The following RNFT2 variants were observed in gnomAD, a reference collection of about 807,000 sequenced individuals.
RNFT2 encodes E3 ubiquitin-protein ligase RNFT2.
RNFT2 carries 36 observed loss-of-function variants against 53.0 expected under a neutral mutation model. The ratio of observed to expected loss-of-function variants is 0.68; its 90% CI spans 0.52 to 0.90. The LOEUF is 0.90. Among genes scored for constraint, RNFT2 ranks in the 40% least tolerant of loss-of-function variants. The probability of loss-of-function intolerance (pLI) is 0.00; values close to 1 mark genes in which losing one functional copy is unlikely to be tolerated. For synonymous variants in RNFT2, 260 were observed against 253.2 expected (o/e 1.03, Z -0.26); for missense variants, 514 against 585.6 (o/e 0.88, Z 1.26).
At chr12:116,756,756 C>G (rs138352922) in intron 5 of RNFT2, among the ~76,000 whole-genome samples, 2 of 152,210 alleles carry the variant, frequency 1.3e-5, no homozygotes, top group East Asian at 3.9e-4. Context: ...ATTTTAGCAT[C>G]TATGTTCATC....
intron 5 of RNFT2, among the ~76,000 whole-genome samples, chr12:116,764,430 C>T (rs1404938496): frequency 2.0e-5 from 3 of 152,168 alleles, no homozygotes; most frequent in South Asian, 2.1e-4. Context: ...CCTTCTATAG[C>T]ATCGTCTGCT....
intron 7 of RNFT2, among the ~76,000 whole-genome samples, chr12:116,828,426 C>T (rs1196565222): frequency 6.6e-6 from 1 of 152,182 alleles, no homozygotes; most frequent in Non-Finnish European, 1.5e-5. Flanking sequence ...CTTTGTTGAT[C>T]AGTTTCCCCT....
chr12:116,775,275 AAAAAG>A (rs1022499831), intron 6 of RNFT2, among the ~76,000 whole-genome samples: 2 of 147,638 alleles, frequency 1.4e-5, no homozygotes, highest in African/African-American at 5.1e-5. Context: ...AAAAAAAAAA[AAAAAG>A]AGAGAGAGAA....
At chr12:116,830,798 A>G (rs1325924456) in intron 7 of RNFT2, among the ~76,000 whole-genome samples, 3 of 151,778 alleles carry the variant, frequency 2.0e-5, no homozygotes, top group Admixed American at 2.0e-4. Context: ...CAGTTACTTG[A>G]GAGCCTGAGA....
In RNFT2 at chr12:116,836,762, T is replaced by TA. The variant is rs879289594; in HGVS notation, c.1200+490dup. ...CAACATGGTGAAACCCTGTCTCTAC[T>TA]AAAAAAAAAATACAAAAATTAGCCA... On this transcript the variant is annotated intron_variant, in intron 10 of 10. Transcript: ENST00000257575. Among the ~76,000 whole-genome samples the TA allele has an allele frequency of 2.1e-3, 313 of 147,992 alleles. 2 individuals carry two copies. The highest frequency in any genetic ancestry group is 0.014 in the Middle Eastern group (4 of 290).
chr12:116,762,972 C>G (rs1244443292), intron 5 of RNFT2, among the ~76,000 whole-genome samples: 1 of 152,064 alleles, frequency 6.6e-6, no homozygotes, highest in Non-Finnish European at 1.5e-5. Flanking sequence ...ATCCTAGCTA[C>G]TCAGGAGGCT....
chr12:116,824,486 A>C (rs1876220989), intron 7 of RNFT2, among the ~76,000 whole-genome samples: 1 of 152,186 alleles, frequency 6.6e-6, no homozygotes, highest in Non-Finnish European at 1.5e-5. Flanking sequence ...CGAGCCTGGG[A>C]GTATGACACC....
chr12:116,747,525 C>T (rs1871955341), intron 3 of RNFT2, among the ~76,000 whole-genome samples: 1 of 151,994 alleles, frequency 6.6e-6, no homozygotes, highest in South Asian at 2.1e-4. Flanking sequence ...AGACCCCCGT[C>T]TCACTCTGTG....
chr12:116,812,140 T>G (rs1366083756), intron 7 of RNFT2, among the ~76,000 whole-genome samples: 1 of 152,080 alleles, frequency 6.6e-6, no homozygotes, highest in African/African-American at 2.4e-5. Context: ...TGACCCTGAC[T>G]TCAAGGGGCT....
chr12:116,743,258 A>C (rs1871729062), intron 3 of RNFT2, among the ~76,000 whole-genome samples: 2 of 134,996 alleles, frequency 1.5e-5, no homozygotes, highest in African/African-American at 2.8e-5. Flanking sequence ...GTTAAAAAAC[A>C]CTCATGAGCT....
At chr12:116,800,863 A>AAAAAT (rs34964792) in intron 7 of RNFT2, among the ~76,000 whole-genome samples, 9 of 42,642 alleles carry the variant, frequency 2.1e-4, no homozygotes, top group African/African-American at 4.5e-4. Flanking sequence ...TAAAATAAAA[A>AAAAAT]CCATTTAACA....
intron 3 of RNFT2, among the ~76,000 whole-genome samples, chr12:116,749,528 C>T (rs578080390): frequency 6.6e-6 from 1 of 152,110 alleles, no homozygotes; most frequent in South Asian, 2.1e-4. Flanking sequence ...GATCTTCCCA[C>T]CTCTGACTCC....
chr12:116,800,633 CAA>C (rs33936190), intron 7 of RNFT2, among the ~76,000 whole-genome samples: 1,994 of 141,908 alleles, frequency 0.014, 21 homozygotes, highest in Non-Finnish European at 0.02. Flanking sequence ...GACTCTGTCT[CAA>C]AAAAAAAAAA....
Position 116,790,516 on chromosome 12 carries a change from T to A in RNFT2, c.882+11168T>A, listed in dbSNP as rs550090662. Among the ~76,000 whole-genome samples, 4 of 152,230 alleles carry A rather than the reference T, an allele frequency of 2.6e-5. No homozygotes were observed. The East Asian group carries it at 7.7e-4, about 29-fold the overall frequency. Reference sequence around the variant, plus strand: ...CGCAAACCTTGCAGTAACAAACTTATAGCAGCGGGAGCAGCCAGTGTGGGG... The same window carrying A: ...CGCAAACCTTGCAGTAACAAACTTAAAGCAGCGGGAGCAGCCAGTGTGGGG... On this transcript the variant is annotated intron_variant, in intron 7 of 10. Coordinates refer to ENST00000257575, the MANE Select transcript of RNFT2 (RefSeq NM_001382266.1).
chr12:116,814,822 G>A (rs1875566525), intron 7 of RNFT2, among the ~76,000 whole-genome samples: 2 of 152,032 alleles, frequency 1.3e-5, no homozygotes, highest in African/African-American at 2.4e-5. Context: ...GGGATTACAG[G>A]CATGCACCAC....
chr12:116,773,709 G>A (rs1293927567), intron 6 of RNFT2, among the ~76,000 whole-genome samples: 1 of 152,188 alleles, frequency 6.6e-6, no homozygotes, highest in Non-Finnish European at 1.5e-5. Flanking sequence ...GTGTAAGGGT[G>A]ATGGGAATCA....
At chr12:116,819,218 A>G (rs796641383) in intron 7 of RNFT2, among the ~76,000 whole-genome samples, 4 of 152,328 alleles carry the variant, frequency 2.6e-5, no homozygotes, top group African/African-American at 9.6e-5. Context: ...AAATGTCCAA[A>G]TAAGAGAGCG....
chr12:116,808,994 G>A (rs572670424), intron 7 of RNFT2, among the ~76,000 whole-genome samples: 2 of 152,280 alleles, frequency 1.3e-5, no homozygotes, highest in African/African-American at 2.4e-5. Context: ...TAGGATGGCC[G>A]CCCCATCCCA....
At chr12:116,789,668 T>TGG (rs1874130993) in intron 7 of RNFT2, among the ~76,000 whole-genome samples, 2 of 123,182 alleles carry the variant, frequency 1.6e-5, no homozygotes, top group South Asian at 5.3e-4. Flanking sequence ...GATGGATGGA[T>TGG]AAATGGGAGG....
Sources: gnomAD v4.1 joint callset for allele counts (sites outside exome capture counted in the v4.1 genomes callset) on GRCh38, gnomAD v4.1.1 for gene constraint, MANE v1.5 for transcripts, NCBI Gene and HGNC (gene_info 2026-07-23, HGNC 2026-07-21) for gene names.